The following DIS3L2 variants were observed in gnomAD, a reference collection of about 807,000 sequenced individuals.
The protein encoded by DIS3L2 is DIS3-like exonuclease 2.
DIS3L2 carries 34 observed loss-of-function variants against 97.5 expected under a neutral mutation model. That is an observed-to-expected ratio of 0.35 (90% confidence interval 0.27 to 0.46). The LOEUF is 0.46. Ranked by LOEUF, DIS3L2 falls within the 20% of genes least tolerant of loss-of-function variation. The pLI, the probability that DIS3L2 is intolerant of heterozygous loss-of-function variation, is 1.00. For missense variants in DIS3L2, 1,038 were observed against 1,146.0 expected (o/e 0.91, Z 1.36); for synonymous variants, 435 against 445.2 (o/e 0.98, Z 0.29).
chr2:232,077,019 G>T (rs1226157380), intron 5 of DIS3L2, among the ~76,000 whole-genome samples: 1 of 152,152 alleles, frequency 6.6e-6, no homozygotes, highest in East Asian at 1.9e-4. Context: ...TTTTCCAGCA[G>T]GGTGTCTCTT....
intron 1 of DIS3L2, among the ~76,000 whole-genome samples, chr2:232,007,095 A>G (rs1346576035): frequency 6.6e-6 from 1 of 152,180 alleles, no homozygotes; most frequent in African/African-American, 2.4e-5. Flanking sequence ...GGTGGGCAGA[A>G]GGGGAGCAGG....
intron 9 of DIS3L2, among the ~76,000 whole-genome samples, chr2:232,188,387 A>G (rs955285293): frequency 2.0e-5 from 3 of 152,210 alleles, no homozygotes; most frequent in South Asian, 4.1e-4. Flanking sequence ...TTTTTTCTCA[A>G]TAACAGAACA....
intron 10 of DIS3L2, among the ~76,000 whole-genome samples, chr2:232,220,246 C>T (rs2106231035): frequency 6.6e-6 from 1 of 152,096 alleles, no homozygotes; most frequent in Non-Finnish European, 1.5e-5. Context: ...GGGTTCAAGC[C>T]TGCAGTGAGC....
intron 9 of DIS3L2, among the ~76,000 whole-genome samples, chr2:232,203,888 T>C (rs1269297750): frequency 1.3e-5 from 2 of 152,112 alleles, no homozygotes; most frequent in Non-Finnish European, 2.9e-5. Flanking sequence ...TAGCCCACTA[T>C]AGGAACAGCA....
At chr2:232,087,933 T>A in intron 6 of DIS3L2, 1 of 525,434 alleles carries the variant, frequency 1.9e-6, no homozygotes, top group Non-Finnish European at 3.4e-6. Flanking sequence ...GTGTGGGCAG[T>A]AGTTGCAGTT....
At chr2:232,022,675 C>T (rs1694550485) in intron 3 of DIS3L2, among the ~76,000 whole-genome samples, 1 of 152,194 alleles carries the variant, frequency 6.6e-6, no homozygotes, top group African/African-American at 2.4e-5. Context: ...TGTTTGGAGT[C>T]TCTTCCCCTC....
chr2:232,261,572 C>T (rs1044269464), intron 12 of DIS3L2, among the ~76,000 whole-genome samples: 6 of 152,216 alleles, frequency 3.9e-5, no homozygotes, highest in African/African-American at 1.2e-4. Flanking sequence ...GCTCTGGCTG[C>T]CCTGGGAGTA....
rs114010499 is a variant in DIS3L2, at chr2:232,024,613, G to A, written c.264+283G>A. On this transcript the variant is annotated intron_variant, in intron 4 of 20. Coordinates refer to ENST00000325385, the MANE Select transcript of DIS3L2 (RefSeq NM_152383.5). The stretch of plus-strand genomic sequence containing the variant: ...TACCCACCAGTTCGTGTAACTGGAC[G>A]CCCTTGGTTTATGGCTTAAAAGGAT... 0.012 allele frequency among the ~76,000 whole-genome samples: 1,838 copies of A among 152,298 alleles called. 27 individuals are homozygous for A. The highest frequency in any genetic ancestry group is 0.014 in the Middle Eastern group (4 of 294).
intron 3 of DIS3L2, chr2:232,015,884 A>G (rs1359954329): frequency 4.7e-6 from 2 of 422,714 alleles, no homozygotes; most frequent in Non-Finnish European, 8.3e-6. Context: ...AGACAGGAAC[A>G]GGAAAAGTGC....
intron 12 of DIS3L2, among the ~76,000 whole-genome samples, chr2:232,250,743 TTGAG>T (rs986229787): frequency 1.3e-5 from 2 of 152,056 alleles, no homozygotes; most frequent in African/African-American, 2.4e-5. Flanking sequence ...TTGGGGGAGA[TTGAG>T]TGAATGTTGG....
intron 14 of DIS3L2, among the ~76,000 whole-genome samples, chr2:232,320,690 A>C (rs892693431): frequency 6.6e-6 from 1 of 152,224 alleles, no homozygotes; most frequent in African/African-American, 2.4e-5. Flanking sequence ...CCCTGAAAAT[A>C]AGTCTTGTTT....
At chr2:232,028,404 A>G (rs538786335) in intron 4 of DIS3L2, among the ~76,000 whole-genome samples, 1 of 152,244 alleles carries the variant, frequency 6.6e-6, no homozygotes, top group Non-Finnish European at 1.5e-5. Context: ...GCGACAGATC[A>G]GTCTTCTGAA....
intron 9 of DIS3L2, among the ~76,000 whole-genome samples, chr2:232,166,195 G>T (rs932103164): frequency 6.6e-6 from 1 of 152,074 alleles, no homozygotes; most frequent in Admixed American, 6.5e-5. Flanking sequence ...GGAGTTTGAG[G>T]CTGCAGTGAG....
chr2:232,270,439 G>T (rs1341974996), intron 13 of DIS3L2, among the ~76,000 whole-genome samples: 3 of 152,110 alleles, frequency 2.0e-5, no homozygotes. Context: ...ATTACCTAAT[G>T]AGTTTTTCCT....
chr2:232,226,364 A>G (rs183912313), intron 10 of DIS3L2, among the ~76,000 whole-genome samples: 15,965 of 152,216 alleles, frequency 0.1, 985 homozygotes, highest in African/African-American at 0.17. Flanking sequence ...TTTGCCATTT[A>G]CTGACTGTCT....
At chr2:232,126,333 G>A (rs572856696) in intron 6 of DIS3L2, among the ~76,000 whole-genome samples, 1 of 152,324 alleles carries the variant, frequency 6.6e-6, no homozygotes, top group South Asian at 2.1e-4. Context: ...TAAAATATCA[G>A]TGGCTTAAAC....
At chr2:232,051,602 G>A (rs1695402751) in intron 5 of DIS3L2, among the ~76,000 whole-genome samples, 1 of 151,706 alleles carries the variant, frequency 6.6e-6, no homozygotes, top group Non-Finnish European at 1.5e-5. Flanking sequence ...CACGAGGTCA[G>A]GAGATCGAGA....
At chr2:232,032,890 G>A (rs1218497239) in intron 5 of DIS3L2, among the ~76,000 whole-genome samples, 5 of 152,120 alleles carry the variant, frequency 3.3e-5, no homozygotes, top group Admixed American at 6.5e-5. Flanking sequence ...TTTTATTACT[G>A]TAGCCTTGTA....
intron 10 of DIS3L2, among the ~76,000 whole-genome samples, chr2:232,226,978 A>T (rs1262844405): frequency 2.0e-5 from 3 of 151,986 alleles, no homozygotes; most frequent in African/African-American, 7.3e-5. Flanking sequence ...TCAAAAACAA[A>T]CAAATAAACA....
Sources: gnomAD v4.1 joint callset for allele counts (sites outside exome capture counted in the v4.1 genomes callset) on GRCh38, gnomAD v4.1.1 for gene constraint, MANE v1.5 for transcripts, NCBI Gene and HGNC (gene_info 2026-07-23, HGNC 2026-07-21) for gene names.